The following UNC45A variants were observed in gnomAD, a reference collection of about 807,000 sequenced individuals.
The protein encoded by UNC45A is protein unc-45 homolog A.
In UNC45A, 78 loss-of-function variants were observed where a neutral mutation model predicts 103.2. The observed-to-expected ratio is 0.76, with a 90% CI of 0.63 to 0.91. The LOEUF (loss-of-function observed/expected upper bound fraction) is 0.91, where lower values mean the gene tolerates loss of function less well. UNC45A is among the 40% of genes least tolerant of loss of function. The pLI is 0.00. For synonymous variants in UNC45A, 495 were observed against 504.6 expected, an observed-to-expected ratio of 0.98 and a Z score of 0.25; for missense variants, 1,193 against 1,224.8, an observed-to-expected ratio of 0.97 and a Z score of 0.39.
At chr15:90,947,299 C>T (rs945635042) in intron 10 of UNC45A, 1 of 262,436 alleles carries the variant, frequency 3.8e-6, no homozygotes, top group Non-Finnish European at 7.5e-6. Flanking sequence ...TGCAGTGTTC[C>T]TGGGAGCTGG....
Position 90,942,419 on chromosome 15 carries a change from T to C in UNC45A, c.688-18T>C. 6.3e-7 allele frequency: 1 copy of C among 1,589,898 alleles called. No homozygotes were observed. The highest frequency in any genetic ancestry group is 8.6e-7 in the Non-Finnish European group (1 of 1,166,542). On this transcript the variant is annotated intron_variant, in intron 6 of 19. Transcript: ENST00000418476. ...TCAACAACTGGAAGCTTCCTTCTGT[T>C]TACCTCTCCCACCCCAGACAGTGGC...
At chr15:90,948,442 A>T in intron 12 of UNC45A, 159 bp downstream of exon 12, 1 of 1,289,600 alleles carries the variant, frequency 7.8e-7, no homozygotes, top group Non-Finnish European at 1.1e-6. Flanking sequence ...GTTGGCCAGC[A>T]CCAGTGGTGT....
rs764482684 is a variant in UNC45A at position 90,946,799 on chromosome 15, T to G, written c.1385T>G (p.Ile462Ser). ...EEQLVAVEAL[I>S]HAAGKAKRAS... The stretch of plus-strand genomic sequence containing the variant: ...CAGCTGGTGGCCGTGGAGGCTCTGA[T>G]CCATGCAGCCGGCAAGGCTAAGCGG... Residue 462 changes from isoleucine to serine, a missense_variant, in exon 10 of 20, where the codon ATC (isoleucine) becomes AGC (serine). By Grantham distance (142) the Ile-to-Ser change is moderately radical. Transcript: ENST00000418476. 1 of 1,614,178 alleles carries G rather than the reference T, an allele frequency of 6.2e-7. No homozygotes were observed. The highest frequency in any genetic ancestry group is 1.1e-5 in the South Asian group (1 of 91,080).
In UNC45A at chr15:90,953,646, G is replaced by A; in HGVS notation, c.2765G>A (p.Arg922Lys). 6.2e-7 allele frequency: 1 copy of A among 1,614,156 alleles called. No individual in the cohort carries two copies. Among genetic ancestry groups the A allele is most frequent in the Non-Finnish European group, 8.5e-7 (1 of 1,180,030 alleles). ...AAGGGTGACCACAGCCCTGTCACAAGGGCTGCTGCAGCCTGCCTGGACAAA... is the reference window on the plus strand; with the variant it reads ...AAGGGTGACCACAGCCCTGTCACAAAGGCTGCTGCAGCCTGCCTGGACAAA... ...LAKGDHSPVTRAAAACLDKAV... is the reference protein window; with the variant it reads ...LAKGDHSPVTKAAAACLDKAV... Residue 922 changes from arginine (R) to lysine (K), a missense_variant, in exon 20 of 20, where the codon AGG becomes AAG. Transcript: ENST00000418476.
chr15:90,934,739 A>G (rs1596204999), upstream of UNC45A: 2 of 398,966 alleles, frequency 5.0e-6, no homozygotes, highest in Non-Finnish European at 8.8e-6. Flanking sequence ...CAAGCTGGTA[A>G]TGGGGAGCCA....
chr15:90,942,697 TTGCAGC>T lies in UNC45A; in HGVS notation c.856+98_856+103del, dbSNP rs1403610458. 1.3e-6 allele frequency: 2 copies of T among 1,586,622 alleles called. 1 individual carries two copies. The highest frequency in any genetic ancestry group is 4.5e-5 in the East Asian group (2 of 44,502). Reference sequence around the variant, plus strand: ...CAGGCCAGTTTTTTGGGGACCAGACTTGCAGCTGCAGGTTGTTTGGAATACGGTTTG... The same window carrying T: ...CAGGCCAGTTTTTTGGGGACCAGACTTGCAGGTTGTTTGGAATACGGTTTG... On this transcript the variant is annotated intron_variant, in intron 7 of 19. Transcript: ENST00000418476.
chr15:90,935,838 G>A lies in UNC45A; in HGVS notation c.214-108G>A, dbSNP rs1248721472. ...TTGCCAGATGTTTTTTGCACCTCAG[G>A]GTGGTGGGGGATCGGGTGACCTTGG... is the stretch of plus-strand genomic sequence containing the variant. On this transcript the variant is annotated intron_variant, in intron 2 of 19. Transcript: ENST00000418476. The A allele has an allele frequency of 4.4e-6, 7 of 1,576,884 alleles. No homozygotes were observed. The South Asian group carries it at 5.9e-5, about 13-fold the overall frequency.
Position 90,943,028 on chromosome 15 carries a change from CG to C in UNC45A, c.975del (p.Lys326SerfsTer19), listed in dbSNP as rs765507471. On this transcript the variant is annotated frameshift_variant, in exon 8 of 20. Transcript: ENST00000418476. LOFTEE classifies it high-confidence loss of function. ...ALTLLIKAVP[R>X]KSLKDPNNSL... ...GACCCTCCTGATTAAAGCGGTGCCC[CG>C]GAAGTCTCTCAAGGACCCCAACAAC... 6.2e-6 allele frequency: 10 copies of C among 1,614,036 alleles called. No individual in the cohort carries two copies. The Admixed American group carries it at 1.2e-4, about 19-fold the overall frequency.
intron 6 of UNC45A, 101 bp downstream of exon 6, chr15:90,940,574 C>T (rs2036243167): frequency 7.1e-7 from 1 of 1,404,270 alleles, no homozygotes; most frequent in Admixed American, 2.3e-5. Flanking sequence ...TCTGCCCGTC[C>T]ATCCATCCAT....
chr15:90,932,405 G>A, upstream of UNC45A: 1 of 1,302,492 alleles, frequency 7.7e-7, no homozygotes, highest in Non-Finnish European at 9.9e-7. Context: ...GCCGCAGCCG[G>A]CGCTCCGCGG....
chr15:90,950,013 T>C lies in UNC45A; in HGVS notation c.2074-141T>C, dbSNP rs551940195. ...CCTTATTAGGTGTTTCAGGAAGTGT[T>C]TGGATGCAGAGGGTCTGCACAGGGA... On this transcript the variant is annotated intron_variant, in intron 15 of 19. Transcript: ENST00000418476. The C allele has an allele frequency of 5.1e-6, 4 of 779,908 alleles. 1 individual carries two copies. The highest frequency in any genetic ancestry group is 3.4e-5 in the South Asian group (2 of 59,022). 48.3% of individuals were successfully genotyped at this position (779,908 alleles called of 1,614,324 possible).
At chr15:90,939,951 G>C in intron 5 of UNC45A, 128 bp downstream of exon 5, 1 of 845,402 alleles carries the variant, frequency 1.2e-6, no homozygotes, top group Non-Finnish European at 1.8e-6. Flanking sequence ...GGGCCTGGAT[G>C]GGAGCTCTGA....
chr15:90,948,582 G>T, intron 12 of UNC45A, 72 bp from the exon 13 acceptor site: 1 of 1,574,130 alleles, frequency 6.4e-7, no homozygotes. Context: ...TGGGGGCCTG[G>T]GCCTGGGCAG....
chr15:90,951,510 C>T lies in UNC45A; in HGVS notation c.2303+895C>T, dbSNP rs185294859. Reference sequence around the variant, plus strand: ...GGGCGTGGTGGCTCACACCTGTAATCCTGGCAATTTGGGAGGATGAGGCAG... The same window carrying T: ...GGGCGTGGTGGCTCACACCTGTAATTCTGGCAATTTGGGAGGATGAGGCAG... On this transcript the variant is annotated intron_variant, in intron 17 of 19. Coordinates refer to ENST00000418476, the MANE Select transcript of UNC45A (RefSeq NM_018671.5). Among the ~76,000 whole-genome samples the T allele has an allele frequency of 2.6e-4, 40 of 152,266 alleles. No individual in the cohort carries two copies. In the East Asian group the frequency reaches 6.8e-3, roughly 26 times the overall value.
intron 5 of UNC45A, 115 bp downstream of exon 5, chr15:90,939,938 A>C: frequency 7.1e-5 from 70 of 981,644 alleles, no homozygotes; most frequent in Non-Finnish European, 9.8e-5. Flanking sequence ...AGCTGGGCTC[A>C]CGGGGCCTGG....
At chr15:90,936,094 C>T (rs1230172576) in intron 3 of UNC45A, 112 bp downstream of exon 3, 3 of 1,549,472 alleles carry the variant, frequency 1.9e-6, no homozygotes, top group Non-Finnish European at 1.7e-6. Context: ...GACACATCTG[C>T]CTTCTTTCTT....
At position 90,939,820 on chromosome 15, in the gene UNC45A, A is replaced by C. The variant is rs1335624490; in HGVS notation, c.516A>C (p.Gln172His). 6.2e-7 allele frequency: 1 copy of C among 1,613,918 alleles called. No individual in the cohort carries two copies. The highest frequency in any genetic ancestry group is 2.2e-5 in the East Asian group (1 of 44,896). ...AAGAGAAGGGCACTGAGAAAAAGCA[A>C]AAGGTATAGGCCCTGGGCTGAGTCA... ...DPEEKGTEKK[Q>H]KASQNLVVLA... The change falls in exon 5 of 20, where the codon CAA (glutamine) becomes CAC (histidine). Residue 172 changes from glutamine to histidine, a missense_variant. By Grantham distance (24) the Gln-to-His change is conservative. Coordinates refer to ENST00000418476, the MANE Select transcript of UNC45A (RefSeq NM_018671.5).
intron 15 of UNC45A, 131 bp from the exon 16 acceptor site, chr15:90,950,023 A>T (rs947485245): frequency 1.2e-6 from 1 of 826,414 alleles, no homozygotes; most frequent in Non-Finnish European, 1.9e-6. Flanking sequence ...TTGGATGCAG[A>T]GGGTCTGCAC....
chr15:90,935,993 G>T lies in UNC45A; in HGVS notation c.250+11G>T, dbSNP rs2035996792. 2 of 1,614,002 alleles carry T rather than the reference G, an allele frequency of 1.2e-6. No homozygotes were observed. Among genetic ancestry groups the T allele is most frequent in the East Asian group, 2.2e-5 (1 of 44,892 alleles). On this transcript the variant is annotated intron_variant, in intron 3 of 19. Transcript: ENST00000418476. ...CAGAGGCATCCAAAGGTAGGGGAAT[G>T]GTGGGCCCTGGTGTGGAGCTGTAGG... is the stretch of plus-strand genomic sequence containing the variant.
Sources: allele counts gnomAD v4.1 joint callset (sites outside exome capture counted in the v4.1 genomes callset), GRCh38; gene constraint gnomAD v4.1.1; transcripts MANE v1.5; gene names NCBI Gene and HGNC (gene_info 2026-07-23, HGNC 2026-07-21).